DOCK3: variants seen among roughly 807,000 people sequenced by gnomAD.
DOCK3 encodes the protein dedicator of cytokinesis 3.
In DOCK3, 60 loss-of-function variants were observed where a neutral mutation model predicts 265.6. The ratio of observed to expected loss-of-function variants is 0.23; its 90% confidence interval spans 0.18 to 0.28. The LOEUF is 0.28. Ranked by LOEUF, DOCK3 falls within the 10% of genes least tolerant of loss-of-function variation. DOCK3 has a pLI of 1.00. For synonymous variants in DOCK3, 881 were observed against 938.0 expected (o/e 0.94, Z 1.11); for missense variants, 1,981 against 2,594.3 (o/e 0.76, Z 5.14).
At chr3:50,776,900 G>T (rs1401085812) in intron 1 of DOCK3, among the ~76,000 whole-genome samples, 1 of 152,118 alleles carries the variant, frequency 6.6e-6, no homozygotes, top group African/African-American at 2.4e-5. Context: ...AAAGAAAGAG[G>T]TTTATTGGAC....
intron 31 of DOCK3, among the ~76,000 whole-genome samples, chr3:51,313,703 T>C (rs1041136653): frequency 1.3e-5 from 2 of 152,178 alleles, no homozygotes; most frequent in African/African-American, 2.4e-5. Context: ...CTGTTAACCA[T>C]CCCCACCACT....
chr3:51,264,865 A>T (rs1430614840), intron 23 of DOCK3, among the ~76,000 whole-genome samples: 1 of 61,298 alleles, frequency 1.6e-5, no homozygotes, highest in Non-Finnish European at 4.2e-5. Flanking sequence ...AATAACTTAG[A>T]TCAGAACAGA....
At chr3:51,309,625 GAGAGCGAGAGC>G (rs2082943567) in intron 27 of DOCK3, among the ~76,000 whole-genome samples, 2 of 1,848 alleles carry the variant, frequency 1.1e-3, no homozygotes, top group Admixed American at 3.8e-3. Context: ...GAGGGAGAGC[GAGAGCGAGAGC>G]GAGAGCGAGA....
At chr3:50,981,290 T>A (rs2077679162) in intron 5 of DOCK3, among the ~76,000 whole-genome samples, 1 of 152,260 alleles carries the variant, frequency 6.6e-6, no homozygotes, top group Non-Finnish European at 1.5e-5. Context: ...TTTTATTCCA[T>A]TGTGACAGAT....
intron 5 of DOCK3, among the ~76,000 whole-genome samples, chr3:50,963,998 AG>A (rs1467215696): frequency 5.3e-5 from 8 of 152,242 alleles, no homozygotes; most frequent in Admixed American, 1.3e-4. Flanking sequence ...AACACTCATT[AG>A]AATGGATTTA....
chr3:51,015,144 C>T (rs981677250), intron 5 of DOCK3, among the ~76,000 whole-genome samples: 1 of 152,014 alleles, frequency 6.6e-6, no homozygotes. Flanking sequence ...TCTAATTGCT[C>T]CAGCTAGGAC....
intron 22 of DOCK3, among the ~76,000 whole-genome samples, chr3:51,252,965 G>T (rs1363502004): frequency 6.6e-6 from 1 of 152,018 alleles, no homozygotes; most frequent in Non-Finnish European, 1.5e-5. Flanking sequence ...ATGCTTCTGG[G>T]TTTTGCCCAT....
chr3:51,046,475 A>C (rs1399433706), intron 5 of DOCK3, among the ~76,000 whole-genome samples: 1 of 152,216 alleles, frequency 6.6e-6, no homozygotes, highest in Non-Finnish European at 1.5e-5. Context: ...ATATTAAGGC[A>C]AAAACTGTTG....
intron 2 of DOCK3, among the ~76,000 whole-genome samples, chr3:50,816,399 G>A (rs1448338063): frequency 6.9e-6 from 1 of 144,988 alleles, no homozygotes; most frequent in Non-Finnish European, 1.5e-5. Flanking sequence ...TTGGCTCACT[G>A]CAGCCTCTGC....
intron 7 of DOCK3, among the ~76,000 whole-genome samples, chr3:51,082,162 C>CAG (rs370917949): frequency 6.8e-4 from 104 of 152,062 alleles, no homozygotes; most frequent in African/African-American, 2.5e-3. Context: ...GGCATTGTTC[C>CAG]AGAGAGAGAG....
At chr3:51,321,636 G>A (rs948915910) in intron 32 of DOCK3, among the ~76,000 whole-genome samples, 3 of 152,120 alleles carry the variant, frequency 2.0e-5, no homozygotes, top group African/African-American at 7.2e-5. Flanking sequence ...GAACATAAAT[G>A]ACCTGATGGA....
chr3:51,191,118 T>C (rs1371246610), intron 12 of DOCK3, among the ~76,000 whole-genome samples: 1 of 152,040 alleles, frequency 6.6e-6, no homozygotes, highest in East Asian at 1.9e-4. Flanking sequence ...AACTCGAAAC[T>C]GTCCCAGGCT....
chr3:50,936,945 T>C (rs2051396328), intron 5 of DOCK3, among the ~76,000 whole-genome samples: 1 of 152,196 alleles, frequency 6.6e-6, no homozygotes, highest in East Asian at 1.9e-4. Context: ...AAAATTATAA[T>C]GTTGATACAG....
At chr3:51,284,742 A>G (rs2081317650) in intron 27 of DOCK3, among the ~76,000 whole-genome samples, 2 of 152,160 alleles carry the variant, frequency 1.3e-5, no homozygotes, top group African/African-American at 4.8e-5. Context: ...GGCTCACCAC[A>G]GTGATAAGTC....
Position 51,381,254 on chromosome 3 carries a change from C to T in DOCK3, c.5788C>T (p.Pro1930Ser). 1 of 1,613,880 alleles carries T rather than the reference C, an allele frequency of 6.2e-7. No homozygotes were observed. Among genetic ancestry groups the T allele is most frequent in the Non-Finnish European group, 8.5e-7 (1 of 1,179,874 alleles). The part of the protein sequence containing the change: ...QAWNADEDLE[P>S]PYLPVHYSLS... Reference sequence around the variant, plus strand: ...CTGGAATGCTGACGAAGATCTTGAGCCACCCTACCTCCCTGTCCACTACAG... The same window carrying T: ...CTGGAATGCTGACGAAGATCTTGAGTCACCCTACCTCCCTGTCCACTACAG... The change falls in exon 53 of 53, where the codon CCA becomes TCA. Residue 1930 changes from proline (P) to serine (S), a missense_variant. Pro to Ser is a moderately conservative substitution (Grantham distance 74, BLOSUM62 -1). Around this residue, in one of 4 missense-constraint regions of DOCK3, gnomAD observed 149 missense variants for 144.7 expected, o/e 1.03. Coordinates refer to ENST00000266037, the MANE Select transcript of DOCK3 (RefSeq NM_004947.5). The surrounding 1 kb of genome is among the most constrained non-coding windows in gnomAD (Gnocchi z 5.6).
At chr3:50,788,184 G>T in intron 2 of DOCK3, 1 of 748,272 alleles carries the variant, frequency 1.3e-6, no homozygotes, top group East Asian at 3.4e-5. Flanking sequence ...GATGAAAGCT[G>T]GATGGCACTT....
At chr3:50,904,749 C>T (rs2049388868) in intron 4 of DOCK3, among the ~76,000 whole-genome samples, 1 of 152,020 alleles carries the variant, frequency 6.6e-6, no homozygotes, top group Non-Finnish European at 1.5e-5. Flanking sequence ...ATGGTAGTTT[C>T]TTTTGCTGTG....
chr3:50,790,231 T>A (rs2042396765), intron 2 of DOCK3, among the ~76,000 whole-genome samples: 1 of 152,194 alleles, frequency 6.6e-6, no homozygotes, highest in Non-Finnish European at 1.5e-5. Context: ...AGACAACAGA[T>A]GCATGGTTTG....
At chr3:51,168,474 G>A (rs748286052) in intron 12 of DOCK3, among the ~76,000 whole-genome samples, 5 of 152,120 alleles carry the variant, frequency 3.3e-5, no homozygotes, top group Non-Finnish European at 7.4e-5. Context: ...CAAAGCTGAC[G>A]AAAGCAAGCA....
Sources: allele counts gnomAD v4.1 joint callset (sites outside exome capture counted in the v4.1 genomes callset), GRCh38; gene constraint gnomAD v4.1.1; regional missense constraint gnomAD v4.1.1; non-coding constraint Gnocchi (gnomAD v3.1); transcripts MANE v1.5; gene names NCBI Gene and HGNC (gene_info 2026-07-23, HGNC 2026-07-21).